The following UTP20 variants were observed in gnomAD, a reference collection of about 807,000 sequenced individuals.
The protein encoded by UTP20 is small subunit processome component 20 homolog.
UTP20 carries 164 observed loss-of-function variants against 329.5 expected under a neutral mutation model. That is an observed-to-expected ratio of 0.50 (90% confidence interval 0.44 to 0.57). The LOEUF (loss-of-function observed/expected upper bound fraction) is 0.57. UTP20 is among the 20% of genes least tolerant of loss of function. The probability of loss-of-function intolerance (pLI) is 0.00; values close to 1 mark genes in which losing one functional copy is unlikely to be tolerated. For missense variants in UTP20, 3,055 were observed against 3,284.2 expected (o/e 0.93, Z 1.71); for synonymous variants, 1,151 against 1,159.3 (o/e 0.99, Z 0.14).
chr12:101,356,945 G>A lies in UTP20; in HGVS notation c.5554G>A (p.Ala1852Thr), dbSNP rs190550846. 1.2e-5 allele frequency: 19 copies of A among 1,610,784 alleles called. No individual in the cohort carries two copies. The highest frequency in any genetic ancestry group is 1.6e-5 in the Non-Finnish European group (19 of 1,179,350). Residue 1852 changes from alanine to threonine, a missense_variant, in exon 43 of 62, where the codon GCC becomes ACC. This residue lies in a region of UTP20 where 2,445 missense variants were observed against 2,575.5 expected (regional missense o/e 0.95). Coordinates refer to ENST00000261637, the MANE Select transcript of UTP20 (RefSeq NM_014503.3). ...NLPSILLKVCALLKNRAQEIR... is the reference protein window; with the variant it reads ...NLPSILLKVCTLLKNRAQEIR... Reference sequence around the variant, plus strand: ...TTCTAGTATTTTGCTGAAAGTGTGTGCCCTACTCAAGAACAGAGCCCAAGA... The same window carrying A: ...TTCTAGTATTTTGCTGAAAGTGTGTACCCTACTCAAGAACAGAGCCCAAGA...
chr12:101,308,453 TA>T, intron 18 of UTP20, 110 bp downstream of exon 18: 1 of 627,318 alleles, frequency 1.6e-6, no homozygotes, highest in Non-Finnish European at 2.0e-6. Context: ...AATAATAATT[TA>T]AAAATAATAA....
At position 101,329,236 on chromosome 12, in the gene UTP20, A is replaced by T; in HGVS notation, c.3209-5A>T. 5.0e-6 allele frequency: 8 copies of T among 1,613,876 alleles called. No individual in the cohort carries two copies. The highest frequency in any genetic ancestry group is 6.8e-6 in the Non-Finnish European group (8 of 1,179,780). ...CATGACCTCTCGTCCTCTTTGTTTC[A>T]CTAGGAGAGTGCCATTCTGCAGTCA... On this transcript the variant is annotated splice_polypyrimidine_tract_variant and splice_region_variant and intron_variant, in intron 26 of 61. Coordinates refer to ENST00000261637, the MANE Select transcript of UTP20 (RefSeq NM_014503.3).
At chr12:101,289,980 A>G (rs746426076) in intron 6 of UTP20, 157 bp from the exon 7 acceptor site, 1 of 546,168 alleles carries the variant, frequency 1.8e-6, no homozygotes. Context: ...AGAACACACT[A>G]TTAGAGTAGT....
In UTP20 at chr12:101,290,261, C is replaced by T. The variant is rs776616066; in HGVS notation, c.722C>T (p.Ser241Phe). 6.2e-7 allele frequency: 1 copy of T among 1,603,208 alleles called. No homozygotes were observed. The highest frequency in any genetic ancestry group is 8.5e-7 in the Non-Finnish European group (1 of 1,175,380). ...AAAGGAGTTAGAAATATGTTTCACT[C>T]CTGTACAGGCCAGGTACATAATGGG... ...MCKGVRNMFH[S>F]CTGQAVKLIL... Residue 241 changes from serine (S) to phenylalanine (F), a missense_variant, in exon 7 of 62, where the codon TCC becomes TTC. Physicochemically the swap from Ser to Phe is radical, Grantham distance 155 (BLOSUM62 -2). Transcript: ENST00000261637.
At chr12:101,295,718 A>T (rs1372015104) in intron 12 of UTP20, 60 bp downstream of exon 12, 10 of 1,469,400 alleles carry the variant, frequency 6.8e-6, no homozygotes, top group Non-Finnish European at 9.1e-6. Context: ...AATGTAATGT[A>T]TCAAGAATAC....
At chr12:101,336,187 T>C (rs967494402) in intron 29 of UTP20, among the ~76,000 whole-genome samples, 2 of 152,180 alleles carry the variant, frequency 1.3e-5, no homozygotes, top group African/African-American at 4.8e-5. Context: ...TATAAAAGTG[T>C]TGACTTCCCT....
chr12:101,344,751 G>GTA lies in UTP20; in HGVS notation c.4605+6_4605+7dup. ...AAAAGGTCTGAAGAGCCAGACAGAG[G>GTA]TATATAACTTTGTGTTTTAGGCACT... On this transcript the variant is annotated splice_donor_variant, in intron 36 of 61. Coordinates refer to ENST00000261637, the MANE Select transcript of UTP20 (RefSeq NM_014503.3). LOFTEE classifies it high-confidence loss of function. 1.2e-6 allele frequency: 2 copies of GTA among 1,612,538 alleles called. No individual in the cohort carries two copies. The highest frequency in any genetic ancestry group is 1.7e-6 in the Non-Finnish European group (2 of 1,179,302).
chr12:101,296,444 G>T (rs571215080), intron 12 of UTP20, among the ~76,000 whole-genome samples: 1 of 152,124 alleles, frequency 6.6e-6, no homozygotes, highest in Non-Finnish European at 1.5e-5. Flanking sequence ...GGTGGCGGAC[G>T]CCTGTAGTCC....
chr12:101,316,163 C>G (rs1386882031), intron 21 of UTP20, among the ~76,000 whole-genome samples: 2 of 152,094 alleles, frequency 1.3e-5, no homozygotes, highest in Non-Finnish European at 2.9e-5. Flanking sequence ...GGTATTAGAA[C>G]TAATTTGTGA....
intron 43 of UTP20, among the ~76,000 whole-genome samples, chr12:101,359,150 A>C (rs891534359): frequency 6.6e-6 from 1 of 151,634 alleles, no homozygotes; most frequent in African/African-American, 2.4e-5. Context: ...TACAACCTCC[A>C]CTTCTCGGGT....
chr12:101,383,566 C>T lies in UTP20; in HGVS notation c.7953C>T (p.Leu2651=), dbSNP rs144429729. 1.3e-4 allele frequency: 212 copies of T among 1,613,064 alleles called. No individual in the cohort carries two copies. Among genetic ancestry groups the T allele is most frequent in the Non-Finnish European group, 1.3e-4 (155 of 1,179,754 alleles). Residue 2651 remains leucine (L), a synonymous_variant, in exon 60 of 62, where the codon CTC becomes CTT. Transcript: ENST00000261637. ...PLKRTCIFKF[L]GAVAMDLGID... is the part of the protein sequence containing the mutation. ...AGAGAACATGCATCTTTAAGTTCCT[C>T]GGCGCCGTAGCAATGGATCTTGGGA...
At chr12:101,370,035 G>C (rs760701835) in intron 49 of UTP20, 144 bp downstream of exon 49, 2 of 670,292 alleles carry the variant, frequency 3.0e-6, no homozygotes, top group African/African-American at 3.8e-5. Context: ...TCAGCATAAC[G>C]AGACCCCGTG....
chr12:101,290,287 G>C lies in UTP20; in HGVS notation c.735+13G>C, dbSNP rs1872096277. 6.3e-7 allele frequency: 1 copy of C among 1,578,832 alleles called. No individual in the cohort carries two copies. Among genetic ancestry groups the C allele is most frequent in the Non-Finnish European group, 8.6e-7 (1 of 1,166,312 alleles). On this transcript the variant is annotated intron_variant, in intron 7 of 61. Coordinates refer to ENST00000261637, the MANE Select transcript of UTP20 (RefSeq NM_014503.3). ...CTGTACAGGCCAGGTACATAATGGG[G>C]AGGGGTGCTTAGAGTCTATGTGGAT...
chr12:101,345,039 G>A (rs574058116), intron 36 of UTP20, among the ~76,000 whole-genome samples: 7 of 137,716 alleles, frequency 5.1e-5, no homozygotes, highest in African/African-American at 7.9e-5. Context: ...TCCGCCTCCC[G>A]GGTTCAAGTG....
intron 17 of UTP20, among the ~76,000 whole-genome samples, chr12:101,307,133 G>A (rs373498771): frequency 1.4e-4 from 21 of 146,224 alleles, no homozygotes; most frequent in East Asian, 1.2e-3. Context: ...AGCCGAGATC[G>A]CACCACTGCA....
chr12:101,356,886 G>T, intron 42 of UTP20, 40 bp from the exon 43 acceptor site: 1 of 1,582,326 alleles, frequency 6.3e-7, no homozygotes. Flanking sequence ...AATTGCTTCT[G>T]TTTATTTGAT....
At chr12:101,334,638 G>A in intron 29 of UTP20, 134 bp downstream of exon 29, 3 of 672,876 alleles carry the variant, frequency 4.5e-6, no homozygotes, top group South Asian at 4.1e-5. Context: ...GTTAGAGAAT[G>A]AGGCAGCTGA....
At chr12:101,307,102 C>T (rs1400963764) in intron 17 of UTP20, among the ~76,000 whole-genome samples, 4 of 149,976 alleles carry the variant, frequency 2.7e-5, no homozygotes, top group Non-Finnish European at 4.4e-5. Flanking sequence ...GGTGTGAACC[C>T]GGGAGGCGGA....
intron 24 of UTP20, 65 bp downstream of exon 24, chr12:101,321,002 G>C: frequency 7.1e-7 from 1 of 1,401,454 alleles, no homozygotes; most frequent in Non-Finnish European, 9.7e-7. Flanking sequence ...CTGCCTAAGA[G>C]CCTCTTCTAG....
Sources: gnomAD v4.1 joint callset for allele counts (sites outside exome capture counted in the v4.1 genomes callset) on GRCh38, gnomAD v4.1.1 for gene constraint, gnomAD v4.1.1 regional missense constraint, MANE v1.5 for transcripts, NCBI Gene and HGNC (gene_info 2026-07-23, HGNC 2026-07-21) for gene names.